ELN: variants seen among roughly 807,000 people sequenced by gnomAD.
The protein encoded by ELN is tropoelastin.
In ELN, 65 loss-of-function variants were observed where a neutral mutation model predicts 105.8. The ratio of observed to expected loss-of-function variants is 0.61; its 90% CI spans 0.50 to 0.75. The LOEUF is 0.75. ELN is among the 30% of genes least tolerant of loss of function. The pLI, the probability that ELN is intolerant of heterozygous loss-of-function variation, is 0.00. For missense variants in ELN, 882 were observed against 969.4 expected, an observed-to-expected ratio of 0.91 and a Z score of 1.20; for synonymous variants, 368 against 389.2, an observed-to-expected ratio of 0.95 and a Z score of 0.64.
intron 1 of ELN, among the ~76,000 whole-genome samples, chr7:74,029,223 C>T (rs530143377): frequency 3.4e-4 from 52 of 152,002 alleles, no homozygotes; most frequent in African/African-American, 1.2e-3. Flanking sequence ...AATGTGTGTG[C>T]GATGTGGCAC....
At chr7:74,065,579 A>G in intron 29 of ELN, 115 bp from the exon 30 acceptor site, 1 of 1,282,000 alleles carries the variant, frequency 7.8e-7, no homozygotes, top group South Asian at 1.3e-5. Flanking sequence ...GCGCCACTGC[A>G]CTCCAGCCCA....
chr7:74,051,709 G>T, intron 15 of ELN, 41 bp from the exon 16 acceptor site: 6 of 1,609,700 alleles, frequency 3.7e-6, no homozygotes, highest in South Asian at 1.1e-5. Context: ...TCCTCAGGAG[G>T]GTCCTTGGGA....
intron 13 of ELN, 55 bp downstream of exon 13, chr7:74,047,771 C>G: frequency 6.2e-7 from 1 of 1,612,472 alleles, no homozygotes. Context: ...CTCCAGGGTC[C>G]TAGCAAGGGT....
chr7:74,062,122 C>G (rs1796823352), intron 26 of ELN: 1 of 152,314 alleles, frequency 6.6e-6, no homozygotes, highest in African/African-American at 2.4e-5. Flanking sequence ...AATTCCTGGC[C>G]TCCTGTGAGC....
At chr7:74,028,353 C>T in intron 1 of ELN, 84 bp downstream of exon 1, 1 of 1,473,592 alleles carries the variant, frequency 6.8e-7, no homozygotes, top group Non-Finnish European at 9.2e-7. Context: ...AAGGGGGAGA[C>T]CTTCGTCCCT....
intron 1 of ELN, among the ~76,000 whole-genome samples, chr7:74,031,323 G>A (rs1167667277): frequency 6.6e-6 from 1 of 152,038 alleles, no homozygotes; most frequent in Non-Finnish European, 1.5e-5. Context: ...TATCTGGGGG[G>A]AAAAAAAGCA....
At chr7:74,046,813 G>T in intron 12 of ELN, 46 bp downstream of exon 12, 2 of 1,601,378 alleles carry the variant, frequency 1.2e-6, no homozygotes, top group Non-Finnish European at 1.7e-6. Flanking sequence ...GCCGGGTGTG[G>T]TGGTTCACAC....
intron 26 of ELN, among the ~76,000 whole-genome samples, chr7:74,061,831 C>T (rs1796749284): frequency 6.6e-6 from 1 of 152,168 alleles, no homozygotes; most frequent in African/African-American, 2.4e-5. Flanking sequence ...TAAGCTTGCC[C>T]TGACCCTGAC....
intron 32 of ELN, among the ~76,000 whole-genome samples, chr7:74,068,251 T>A (rs1798410977): frequency 6.6e-6 from 1 of 152,202 alleles, no homozygotes; most frequent in Non-Finnish European, 1.5e-5. Flanking sequence ...CTCTCAGATG[T>A]ATGGGTCCAC....
chr7:74,054,567 G>C, intron 18 of ELN, 149 bp from the exon 19 acceptor site: 1 of 784,640 alleles, frequency 1.3e-6, no homozygotes. Context: ...CAGGTGGGTG[G>C]ACATCAGTGC....
chr7:74,061,070 T>C lies in ELN; in HGVS notation c.1748-31T>C, dbSNP rs1554684158. 5 of 1,613,982 alleles carry C rather than the reference T, an allele frequency of 3.1e-6. No individual in the cohort carries two copies. In the Admixed American group the frequency reaches 8.3e-5, roughly 27 times the overall value. The stretch of plus-strand genomic sequence containing the variant: ...ACTCCCAGGCACAGAGCTCGGCTCC[T>C]GACCACTCCCCAACTTTTCTTTCTC... On this transcript the variant is annotated intron_variant, in intron 25 of 32. Transcript: ENST00000252034.
In ELN at chr7:74,042,803, G is replaced by A. The variant is rs994100669; in HGVS notation, c.325+97G>A. 47 of 1,542,374 alleles carry A rather than the reference G, an allele frequency of 3.0e-5. No individual in the cohort carries two copies. In the Admixed American group the frequency reaches 3.8e-4, roughly 13 times the overall value. ...TTCCCTCAACTCAGGCTTGGGAGCC[G>A]GGTGGGTGGGATTGTCAGTTGCAAT... is the stretch of plus-strand genomic sequence containing the variant. On this transcript the variant is annotated intron_variant, in intron 6 of 32. Coordinates refer to ENST00000252034, the MANE Select transcript of ELN (RefSeq NM_000501.4).
intron 1 of ELN, among the ~76,000 whole-genome samples, chr7:74,032,884 AT>A (rs1365248673): frequency 2.0e-5 from 3 of 152,228 alleles, no homozygotes; most frequent in Non-Finnish European, 4.4e-5. Flanking sequence ...CCTCTACTTA[AT>A]TCACCCATCA....
intron 31 of ELN, 47 bp downstream of exon 31, chr7:74,066,044 C>A (rs1554689052): frequency 6.2e-7 from 1 of 1,613,042 alleles, no homozygotes; most frequent in Non-Finnish European, 8.5e-7. Context: ...CTGTCCCGAT[C>A]TAGAGGGGGC....
intron 1 of ELN, among the ~76,000 whole-genome samples, chr7:74,034,171 T>A (rs1049781114): frequency 2.0e-5 from 3 of 152,200 alleles, no homozygotes; most frequent in Non-Finnish European, 4.4e-5. Flanking sequence ...GGCTGCCCAG[T>A]GGCTGAGGAC....
In ELN at chr7:74,063,657, T is replaced by C. The variant is rs1797229044; in HGVS notation, c.1955T>C (p.Val652Ala). 1 of 1,613,390 alleles carries C rather than the reference T, an allele frequency of 6.2e-7. No homozygotes were observed. The highest frequency in any genetic ancestry group is 1.3e-5 in the African/African-American group (1 of 74,834). ...VGAAGLGGLG[V>A]GGLGVPGVGG... ...GCCGCTGGGCTCGGAGGACTCGGAG[T>C]CGGAGGGCTTGGAGTTCCAGGTGTT... The change falls in exon 29 of 33, where the codon GTC becomes GCC. Residue 652 changes from valine (V) to alanine (A), a missense_variant. Transcript: ENST00000252034. This position sits in a 1 kb window ranked among gnomAD's most constrained non-coding sequence, Gnocchi z 4.1.
At chr7:74,053,083 A>T (rs1382201992) in intron 17 of ELN, 80 bp from the exon 18 acceptor site, 1 of 1,605,790 alleles carries the variant, frequency 6.2e-7, no homozygotes, top group East Asian at 2.2e-5. Flanking sequence ...ACCAACTGTC[A>T]CTTCCATACT....
chr7:74,043,404 G>A, intron 8 of ELN: 1 of 728,476 alleles, frequency 1.4e-6, no homozygotes. Context: ...GGGCTCTGTG[G>A]CAGGCTGTCG....
intron 22 of ELN, among the ~76,000 whole-genome samples, chr7:74,058,456 G>A (rs1248339518): frequency 6.6e-6 from 1 of 151,954 alleles, no homozygotes; most frequent in Non-Finnish European, 1.5e-5. Context: ...CCAGTCTCAA[G>A]CAGTCTGCCT....
Sources: allele counts gnomAD v4.1 joint callset (sites outside exome capture counted in the v4.1 genomes callset), GRCh38; gene constraint gnomAD v4.1.1; non-coding constraint Gnocchi (gnomAD v3.1); transcripts MANE v1.5; gene names NCBI Gene and HGNC (gene_info 2026-07-23, HGNC 2026-07-21).